Variants in CBFA2T2 observed in about 807,000 individuals in gnomAD.
CBFA2T2 encodes the protein CBFA2/RUNX1 partner transcriptional co-repressor 2.
In CBFA2T2, 11 loss-of-function variants were observed where a neutral mutation model predicts 62.2. The observed-to-expected ratio is 0.18, with a 90% CI of 0.11 to 0.29. The LOEUF (loss-of-function observed/expected upper bound fraction) is 0.29. Ranked by LOEUF, CBFA2T2 falls within the 10% of genes least tolerant of loss-of-function variation. The pLI is 1.00. For synonymous variants in CBFA2T2, 295 were observed against 287.5 expected (o/e 1.03, Z -0.27); for missense variants, 592 against 774.1 (o/e 0.76, Z 2.79).
In CBFA2T2 at chr20:33,593,391, A is replaced by AT. The variant is rs754319345; in HGVS notation, c.35-13543dup. 9.6e-3 allele frequency among the ~76,000 whole-genome samples: 1,054 copies of AT among 109,832 alleles called. 33 individuals carry two copies. The highest frequency in any genetic ancestry group is 0.019 in the South Asian group (60 of 3,220). 72.1% of individuals were successfully genotyped at this position (109,832 alleles called of 152,430 possible). On this transcript the variant is annotated intron_variant, in intron 1 of 10. Coordinates refer to ENST00000342704, the MANE Select transcript of CBFA2T2 (RefSeq NM_001032999.3). ...ACTGATTTGCAAATCTCTTGACTGGATTTTTTTTTTTTTTTTTTTTTTGAG... is the reference window on the plus strand; with the variant it reads ...ACTGATTTGCAAATCTCTTGACTGGATTTTTTTTTTTTTTTTTTTTTTTGAG...
At chr20:33,592,059 T>C (rs1050938631) in intron 1 of CBFA2T2, among the ~76,000 whole-genome samples, 4 of 152,022 alleles carry the variant, frequency 2.6e-5, no homozygotes, top group Non-Finnish European at 4.4e-5. Flanking sequence ...TGTTAGTTGA[T>C]GAACATGAAA....
At chr20:33,600,379 G>A (rs2122268537) in intron 1 of CBFA2T2, 1 of 294,780 alleles carries the variant, frequency 3.4e-6, no homozygotes, top group East Asian at 1.5e-4. Flanking sequence ...GTAGAGATGG[G>A]GTTTCACCAT....
At chr20:33,504,479 G>A (rs1015452176) in intron 1 of CBFA2T2, among the ~76,000 whole-genome samples, 9 of 143,706 alleles carry the variant, frequency 6.3e-5, no homozygotes, top group Non-Finnish European at 1.2e-4. Flanking sequence ...CATGGCTCAC[G>A]GCAGCCTCCG....
At chr20:33,565,396 T>A (rs192599262) in intron 1 of CBFA2T2, among the ~76,000 whole-genome samples, 7 of 152,316 alleles carry the variant, frequency 4.6e-5, no homozygotes, top group African/African-American at 1.7e-4. Context: ...CTTTCCATTG[T>A]AGCCTAGGAG....
intron 1 of CBFA2T2, among the ~76,000 whole-genome samples, chr20:33,585,863 A>G (rs1345794745): frequency 6.6e-6 from 1 of 152,234 alleles, no homozygotes; most frequent in Non-Finnish European, 1.5e-5. Context: ...TTGGCAGAGC[A>G]ATCTAGAACT....
intron 1 of CBFA2T2, among the ~76,000 whole-genome samples, chr20:33,540,695 T>C (rs1420099651): frequency 1.3e-5 from 2 of 152,206 alleles, no homozygotes; most frequent in Non-Finnish European, 2.9e-5. Context: ...CAGAAGATGA[T>C]GCAAGGGTAC....
chr20:33,601,751 C>T (rs1328044613), intron 1 of CBFA2T2: 1 of 152,076 alleles, frequency 6.6e-6, no homozygotes, highest in Non-Finnish European at 1.5e-5. Context: ...TTGACCAGAT[C>T]TTCTACCCCA....
Position 33,490,311 on chromosome 20 carries a change from G to C in CBFA2T2, c.34+10G>C. The C allele has an allele frequency of 1.6e-6, 2 of 1,284,830 alleles. No homozygotes were observed. Among genetic ancestry groups the C allele is most frequent in the Non-Finnish European group, 2.0e-6 (2 of 1,016,498 alleles). The allele number at this position is 1,284,830 out of a possible 1,614,324, so 79.6% of individuals were successfully genotyped here. A position where few individuals can be genotyped will look rare whatever the true frequency, so the allele number is the denominator to read the frequency against. On this transcript the variant is annotated intron_variant, in intron 1 of 10. Coordinates refer to ENST00000342704, the MANE Select transcript of CBFA2T2 (RefSeq NM_001032999.3). ...GCGGCCGCCTTCCAGCGTAAGTGGG[G>C]CGTGAATGCGGGCGGCCGAGGGGGG...
chr20:33,533,878 G>A (rs1305809073), intron 1 of CBFA2T2, among the ~76,000 whole-genome samples: 1 of 152,164 alleles, frequency 6.6e-6, no homozygotes, highest in Non-Finnish European at 1.5e-5. Context: ...AGGAGGGTGA[G>A]GCTGGAGAAC....
intron 1 of CBFA2T2, among the ~76,000 whole-genome samples, chr20:33,568,561 G>A (rs1600982766): frequency 1.3e-5 from 2 of 152,154 alleles, no homozygotes; most frequent in Non-Finnish European, 2.9e-5. Context: ...GCCGGCGGGC[G>A]CGTGCCTGCT....
intron 1 of CBFA2T2, among the ~76,000 whole-genome samples, chr20:33,512,087 G>T (rs1425131016): frequency 6.6e-6 from 1 of 152,116 alleles, no homozygotes; most frequent in African/African-American, 2.4e-5. Flanking sequence ...TGAGGTAGGA[G>T]AATCGCTTGA....
In CBFA2T2 at chr20:33,537,453, G is replaced by T. The variant is rs189809278; in HGVS notation, c.34+47152G>T. 4.2e-3 allele frequency among the ~76,000 whole-genome samples: 637 copies of T among 152,350 alleles called. 4 individuals carry two copies. Among genetic ancestry groups the T allele is most frequent in the African/African-American group, 0.014 (591 of 41,592 alleles). ...ATGGCAGCAGTACAGTCCAGCTTCG[G>T]CTGGGCATCAGAGGGAGACCGTGGA... On this transcript the variant is annotated intron_variant, in intron 1 of 10. Transcript: ENST00000342704.
intron 1 of CBFA2T2, among the ~76,000 whole-genome samples, chr20:33,509,648 A>G (rs1696704168): frequency 6.6e-6 from 1 of 151,788 alleles, no homozygotes; most frequent in East Asian, 1.9e-4. Flanking sequence ...GCCCAATGTG[A>G]TGAAACCTCG....
intron 1 of CBFA2T2, among the ~76,000 whole-genome samples, chr20:33,518,051 T>G (rs2011634920): frequency 6.6e-6 from 1 of 151,364 alleles, no homozygotes; most frequent in Admixed American, 6.6e-5. Context: ...CAGGTTCAAG[T>G]GATTCTCCTG....
At chr20:33,625,360 G>A (rs201093136) in intron 6 of CBFA2T2, among the ~76,000 whole-genome samples, 3 of 152,084 alleles carry the variant, frequency 2.0e-5, no homozygotes, top group East Asian at 1.9e-4. Context: ...GGTGGCATGC[G>A]CCTGTGGTCC....
intron 1 of CBFA2T2, among the ~76,000 whole-genome samples, chr20:33,508,621 T>C (rs900439990): frequency 6.6e-6 from 1 of 152,142 alleles, no homozygotes; most frequent in Non-Finnish European, 1.5e-5. Context: ...TGTTCCCCTC[T>C]TATATGTCTA....
At chr20:33,495,972 C>T (rs1370202039) in intron 1 of CBFA2T2, among the ~76,000 whole-genome samples, 1 of 152,096 alleles carries the variant, frequency 6.6e-6, no homozygotes, top group Admixed American at 6.6e-5. Context: ...TTGTTAGTGG[C>T]TGAGGGTATA....
At chr20:33,560,607 TGCC>T (rs1270963320) in intron 1 of CBFA2T2, among the ~76,000 whole-genome samples, 2 of 152,190 alleles carry the variant, frequency 1.3e-5, no homozygotes, top group Non-Finnish European at 2.9e-5. Flanking sequence ...GTAATTAAGT[TGCC>T]CTTGACAGAA....
At chr20:33,545,352 C>G (rs1216278454) in intron 1 of CBFA2T2, among the ~76,000 whole-genome samples, 1 of 152,054 alleles carries the variant, frequency 6.6e-6, no homozygotes, top group Non-Finnish European at 1.5e-5. Flanking sequence ...ACAAAATTTC[C>G]TTGAAATAAA....
Sources: allele counts gnomAD v4.1 joint callset (sites outside exome capture counted in the v4.1 genomes callset), GRCh38; gene constraint gnomAD v4.1.1; transcripts MANE v1.5; gene names NCBI Gene and HGNC (gene_info 2026-07-23, HGNC 2026-07-21).